Variants in BRDT observed in about 807,000 individuals in gnomAD.
The protein encoded by BRDT is bromodomain testis-specific protein.
BRDT carries 77 observed loss-of-function variants against 113.9 expected under a neutral mutation model. The ratio of observed to expected loss-of-function variants is 0.68; its 90% CI spans 0.56 to 0.82. The LOEUF is 0.82. BRDT is among the 40% of genes least tolerant of loss of function. The pLI, the probability that BRDT is intolerant of heterozygous loss-of-function variation, is 0.00. For missense variants in BRDT, 1,027 were observed against 1,105.4 expected (o/e 0.93, Z 1.01); for synonymous variants, 358 against 366.5 (o/e 0.98, Z 0.26).
intron 2 of BRDT, among the ~76,000 whole-genome samples, chr1:91,964,091 C>T (rs979271701): frequency 4.6e-5 from 7 of 152,038 alleles, no homozygotes; most frequent in Non-Finnish European, 5.9e-5. Context: ...GACAGAGTCT[C>T]GCTCTGTCCC....
rs77353040 is a variant in BRDT at position 91,972,740 on chromosome 1, A to G, written c.446-3526A>G. ...ACTATGCATATCTAATTAGCTCCTG[A>G]GTTCAAAGAGCAACAGTTGGAATAT... On this transcript the variant is annotated intron_variant, in intron 4 of 18. Transcript: ENST00000399546. 0.027 allele frequency among the ~76,000 whole-genome samples: 4,117 copies of G among 152,330 alleles called. 369 individuals carry two copies. The East Asian group carries it at 0.34, about 13-fold the overall frequency.
chr1:91,973,836 A>C (rs892560274), intron 4 of BRDT, among the ~76,000 whole-genome samples: 7 of 152,116 alleles, frequency 4.6e-5, no homozygotes, highest in African/African-American at 1.7e-4. Flanking sequence ...GTGGTGAGAG[A>C]GGGCATCCCT....
intron 18 of BRDT, among the ~76,000 whole-genome samples, chr1:92,008,289 T>C (rs1687509331): frequency 6.6e-6 from 1 of 152,224 alleles, no homozygotes; most frequent in African/African-American, 2.4e-5. Flanking sequence ...CCTTTGAACA[T>C]TTCTTATAGT....
chr1:91,983,505 C>T (rs888943478), intron 12 of BRDT, among the ~76,000 whole-genome samples: 3 of 152,044 alleles, frequency 2.0e-5, no homozygotes, highest in South Asian at 2.1e-4. Context: ...CCACCCACCT[C>T]GGCCTCCCAA....
intron 4 of BRDT, among the ~76,000 whole-genome samples, chr1:91,975,120 G>A (rs1321821911): frequency 2.0e-5 from 3 of 152,030 alleles, no homozygotes; most frequent in African/African-American, 4.8e-5. Flanking sequence ...ATCACACACC[G>A]GGGCCTGTCG....
At chr1:91,995,549 G>T (rs1394430070) in intron 15 of BRDT, among the ~76,000 whole-genome samples, 1 of 151,716 alleles carries the variant, frequency 6.6e-6, no homozygotes, top group Non-Finnish European at 1.5e-5. Flanking sequence ...CCTCCGCAAT[G>T]ATTCCCGGGT....
intron 6 of BRDT, 136 bp from the exon 7 acceptor site, chr1:91,978,032 C>T: frequency 1.1e-6 from 1 of 881,638 alleles, no homozygotes; most frequent in Non-Finnish European, 1.6e-6. Context: ...AAAATTTTAA[C>T]ATTTGTCAAA....
intron 1 of BRDT, among the ~76,000 whole-genome samples, chr1:91,952,647 T>C (rs1032918220): frequency 3.3e-5 from 5 of 151,966 alleles, no homozygotes; most frequent in Non-Finnish European, 5.9e-5. Flanking sequence ...CTGTTGAAGA[T>C]ACAGAAAAGA....
rs1031695140 is a variant in BRDT, at chr1:91,966,238, T to G, written c.330+1474T>G. ...CTAGGGCATCTAAATATTTTAAAGC[T>G]TATATCTCATTTAAATATGAGAATT... On this transcript the variant is annotated intron_variant, in intron 3 of 18. Transcript: ENST00000399546. Among the ~76,000 whole-genome samples the G allele has an allele frequency of 3.3e-5, 5 of 152,330 alleles. No individual in the cohort carries two copies. In the South Asian group the frequency reaches 8.3e-4, roughly 25 times the overall value.
At chr1:91,951,501 A>G (rs1681076569) in intron 1 of BRDT, among the ~76,000 whole-genome samples, 1 of 151,882 alleles carries the variant, frequency 6.6e-6, no homozygotes, top group South Asian at 2.1e-4. Flanking sequence ...GGAATTAAAA[A>G]AAAAGAAAAA....
chr1:92,011,105 TGGTTA>T (rs1430258720), intron 18 of BRDT, among the ~76,000 whole-genome samples: 3 of 152,208 alleles, frequency 2.0e-5, no homozygotes, highest in Non-Finnish European at 2.9e-5. Flanking sequence ...GCTATAGTAT[TGGTTA>T]AAGTACAAAT....
intron 2 of BRDT, 116 bp downstream of exon 2, chr1:91,963,062 G>A (rs1057156859): frequency 2.8e-5 from 22 of 799,070 alleles, no homozygotes; most frequent in Non-Finnish European, 3.5e-5. Context: ...GTTGGCTCCC[G>A]CCTATAATCC....
chr1:91,978,549 C>G (rs1299100089), intron 7 of BRDT, among the ~76,000 whole-genome samples: 1 of 152,088 alleles, frequency 6.6e-6, no homozygotes, highest in African/African-American at 2.4e-5. Flanking sequence ...TTTTATGAAG[C>G]TGCCCTGCAT....
chr1:91,981,799 T>C, intron 12 of BRDT, 44 bp downstream of exon 12: 1 of 1,523,648 alleles, frequency 6.6e-7, no homozygotes, highest in Non-Finnish European at 8.8e-7. Flanking sequence ...GGGAGCACTT[T>C]TTTTCCTGTA....
intron 12 of BRDT, among the ~76,000 whole-genome samples, chr1:91,984,738 C>T (rs909023611): frequency 3.3e-5 from 5 of 152,262 alleles, no homozygotes; most frequent in African/African-American, 1.2e-4. Context: ...CTCAAGCCAT[C>T]CTCCTGCCTC....
intron 15 of BRDT, among the ~76,000 whole-genome samples, chr1:91,999,215 A>G (rs142256540): frequency 2.9e-4 from 44 of 152,218 alleles, no homozygotes; most frequent in Non-Finnish European, 5.9e-4. Flanking sequence ...AAATATGAAA[A>G]CATGCTGGGT....
intron 13 of BRDT, among the ~76,000 whole-genome samples, 157 bp downstream of exon 13, chr1:91,991,402 A>G (rs1006072457): frequency 2.0e-5 from 3 of 152,214 alleles, no homozygotes; most frequent in African/African-American, 7.2e-5. Flanking sequence ...TTTCTTCCTG[A>G]AGAAAACCGA....
intron 12 of BRDT, among the ~76,000 whole-genome samples, chr1:91,985,032 T>C (rs1006106638): frequency 2.0e-5 from 3 of 152,168 alleles, no homozygotes; most frequent in Non-Finnish European, 4.4e-5. Flanking sequence ...TTCTGATTAA[T>C]AGGCTTTTGA....
intron 17 of BRDT, among the ~76,000 whole-genome samples, 156 bp downstream of exon 17, chr1:92,004,775 GTGA>G (rs1687155038): frequency 6.6e-6 from 1 of 152,162 alleles, no homozygotes; most frequent in East Asian, 1.9e-4. Context: ...CTTTTTCTAA[GTGA>G]TGATATCTCT....
Sources: allele counts gnomAD v4.1 joint callset (sites outside exome capture counted in the v4.1 genomes callset), GRCh38; gene constraint gnomAD v4.1.1; transcripts MANE v1.5; gene names NCBI Gene and HGNC (gene_info 2026-07-23, HGNC 2026-07-21).